The following WASF2 variants were observed in gnomAD, a reference collection of about 807,000 sequenced individuals.
WASF2 encodes the protein WASP family member 2, also known as actin-binding protein WASF2.
In WASF2, 14 loss-of-function variants were observed where a neutral mutation model predicts 45.0. The ratio of observed to expected loss-of-function variants is 0.31; its 90% CI spans 0.21 to 0.49. The LOEUF is 0.49. Among genes scored for constraint, WASF2 ranks in the 20% least tolerant of loss-of-function variants. The pLI, the probability that WASF2 is intolerant of heterozygous loss-of-function variation, is 0.99. For missense variants in WASF2, 439 were observed against 636.1 expected, an observed-to-expected ratio of 0.69 and a Z score of 3.33; for synonymous variants, 200 against 236.3, an observed-to-expected ratio of 0.85 and a Z score of 1.41.
intron 1 of WASF2, among the ~76,000 whole-genome samples, chr1:27,454,853 G>C (rs1280590901): frequency 6.6e-6 from 1 of 152,126 alleles, no homozygotes; most frequent in Non-Finnish European, 1.5e-5. Flanking sequence ...ATCTCAAGTT[G>C]ATCGACATTG....
At chr1:27,473,014 TGC>T (rs2017713402) in intron 1 of WASF2, among the ~76,000 whole-genome samples, 1 of 149,360 alleles carries the variant, frequency 6.7e-6, no homozygotes, top group Non-Finnish European at 1.5e-5. Context: ...AAAAAAATTG[TGC>T]TTTATAGGGC....
rs143372211 is a variant in WASF2 at position 27,472,811 on chromosome 1, A to G, written c.-44+17175T>C. 3.8e-3 allele frequency among the ~76,000 whole-genome samples: 576 copies of G among 151,364 alleles called. 5 individuals carry two copies. Among genetic ancestry groups the G allele is most frequent in the African/African-American group, 0.013 (549 of 41,314 alleles). The stretch of plus-strand genomic sequence containing the variant: ...CCCCATCTTTACCAAAAAAAAAAAA[A>G]AAGGAAGAAAATTAGTATGGCATGA... On this transcript the variant is annotated intron_variant, in intron 1 of 8. Coordinates refer to ENST00000618852, the MANE Select transcript of WASF2 (RefSeq NM_006990.5).
Position 27,410,279 on chromosome 1 carries a change from T to C in WASF2, c.825-73A>G. On this transcript the variant is annotated intron_variant, in intron 7 of 8. Transcript: ENST00000618852. This position sits in a 1 kb window ranked among gnomAD's most constrained non-coding sequence, Gnocchi z 4.2. ...ACACCTATCTACAGTTAGCCTTGTC[T>C]ACAGACCGAGGTTTATCTTGGTTGA... 1 of 1,578,898 alleles carries C rather than the reference T, an allele frequency of 6.3e-7. No homozygotes were observed. Among genetic ancestry groups the C allele is most frequent in the Non-Finnish European group, 8.6e-7 (1 of 1,157,590 alleles).
chr1:27,461,062 C>T (rs753286458), intron 1 of WASF2, among the ~76,000 whole-genome samples: 3 of 152,016 alleles, frequency 2.0e-5, no homozygotes, highest in African/African-American at 2.4e-5. Context: ...AGGAGAATGG[C>T]GTGAACCCGG....
At chr1:27,438,981 T>C (rs1270293912) in intron 1 of WASF2, among the ~76,000 whole-genome samples, 1 of 152,206 alleles carries the variant, frequency 6.6e-6, no homozygotes, top group African/African-American at 2.4e-5. Context: ...CAAGCTAAAG[T>C]CCTTGAGCAG....
chr1:27,416,178 A>G, intron 4 of WASF2, 76 bp from the exon 5 acceptor site: 1 of 1,248,980 alleles, frequency 8.0e-7, no homozygotes, highest in Middle Eastern at 1.9e-4. Flanking sequence ...CCAAACACCT[A>G]CCAGTTAGCA....
intron 1 of WASF2, among the ~76,000 whole-genome samples, chr1:27,454,179 ATATATATATTTTT>A (rs1277166642): frequency 0.012 from 124 of 10,258 alleles, no homozygotes; most frequent in African/African-American, 0.027. Flanking sequence ...ATATATATAT[ATATATATATTTTT>A]TTTTTTTTTT....
intron 1 of WASF2, among the ~76,000 whole-genome samples, chr1:27,463,321 G>A (rs1432666463): frequency 6.6e-6 from 1 of 152,094 alleles, no homozygotes; most frequent in Admixed American, 6.6e-5. Context: ...CACATCTGCA[G>A]TGGTACTGCT....
At chr1:27,432,219 C>T (rs1571133736) in intron 1 of WASF2, among the ~76,000 whole-genome samples, 1 of 152,112 alleles carries the variant, frequency 6.6e-6, no homozygotes, top group South Asian at 2.1e-4. Flanking sequence ...GAAAATGTAT[C>T]GGCTTTATGG....
Position 27,404,583 on chromosome 1 carries a change from T to C in WASF2, c.*3606A>G, listed in dbSNP as rs766987334. The C allele has an allele frequency of 3.9e-5, 6 of 152,172 alleles. No individual in the cohort carries two copies. The highest frequency in any genetic ancestry group is 7.3e-5 in the Non-Finnish European group (5 of 68,030). The allele number at this position is 152,172 out of a possible 1,614,324, so 9.4% of individuals were successfully genotyped here. ...ACATATACCCCCCTTCCCTAAAATCTTGATGTGGCAAACACACCCAAGAAC... is the reference window on the plus strand; with the variant it reads ...ACATATACCCCCCTTCCCTAAAATCCTGATGTGGCAAACACACCCAAGAAC... On this transcript the variant is annotated 3_prime_UTR_variant, in exon 9 of 9. Transcript: ENST00000618852.
At chr1:27,454,916 A>T (rs1214714760) in intron 1 of WASF2, among the ~76,000 whole-genome samples, 1 of 152,156 alleles carries the variant, frequency 6.6e-6, no homozygotes, top group African/African-American at 2.4e-5. Flanking sequence ...TATTGTCAAC[A>T]GTGTTGCTAT....
intron 1 of WASF2, among the ~76,000 whole-genome samples, chr1:27,478,852 G>C (rs1197707431): frequency 6.6e-6 from 1 of 152,108 alleles, no homozygotes; most frequent in African/African-American, 2.4e-5. Context: ...ACAAAGTGCT[G>C]GGATTACAGG....
chr1:27,425,747 G>T (rs966479998), intron 2 of WASF2, among the ~76,000 whole-genome samples: 1 of 149,838 alleles, frequency 6.7e-6, no homozygotes, highest in Non-Finnish European at 1.5e-5. Context: ...GCTGAGGCAG[G>T]AGAATGGCGT....
chr1:27,445,735 T>C (rs529257680), intron 1 of WASF2, among the ~76,000 whole-genome samples: 183 of 152,276 alleles, frequency 1.2e-3, no homozygotes, highest in Non-Finnish European at 2.1e-3. Flanking sequence ...CAGCTAGGCA[T>C]TAGGGGTTCC....
intron 1 of WASF2, among the ~76,000 whole-genome samples, chr1:27,477,919 T>G (rs111674905): frequency 8.0e-6 from 1 of 125,644 alleles, no homozygotes; most frequent in Non-Finnish European, 1.7e-5. Context: ...AATAAATAAA[T>G]AAAAAAAAAA....
chr1:27,489,907 C>T (rs2018007212), intron 1 of WASF2, 79 bp downstream of exon 1: 1 of 152,270 alleles, frequency 6.6e-6, no homozygotes, highest in African/African-American at 2.4e-5. Flanking sequence ...CCCCCGAGAC[C>T]CTGCACGGCT....
At chr1:27,449,509 G>A (rs963018990) in intron 1 of WASF2, among the ~76,000 whole-genome samples, 1 of 151,726 alleles carries the variant, frequency 6.6e-6, no homozygotes, top group East Asian at 1.9e-4. Context: ...TGAGGCAGGA[G>A]AATCACCTGA....
intron 1 of WASF2, among the ~76,000 whole-genome samples, chr1:27,486,217 A>T (rs992666313): frequency 6.6e-6 from 1 of 152,210 alleles, no homozygotes; most frequent in Non-Finnish European, 1.5e-5. Context: ...CATCTGATTT[A>T]AAAAGTGCTG....
intron 1 of WASF2, among the ~76,000 whole-genome samples, chr1:27,463,804 ATTTT>A (rs1553151290): frequency 7.3e-6 from 1 of 137,188 alleles, no homozygotes; most frequent in African/African-American, 2.7e-5. Context: ...TATTATTATT[ATTTT>A]TTTTTTTTTT....
Sources: gnomAD v4.1 joint callset for allele counts (sites outside exome capture counted in the v4.1 genomes callset) on GRCh38, gnomAD v4.1.1 for gene constraint, Gnocchi (gnomAD v3.1) non-coding constraint, MANE v1.5 for transcripts, NCBI Gene and HGNC (gene_info 2026-07-23, HGNC 2026-07-21) for gene names.